The following PPHLN1 variants were observed in gnomAD, a reference collection of about 807,000 sequenced individuals.
PPHLN1 encodes periphilin-1.
In PPHLN1, 29 loss-of-function variants were observed where a neutral mutation model predicts 51.3. The observed-to-expected ratio is 0.57, with a 90% CI of 0.42 to 0.77. The LOEUF is 0.77. PPHLN1 is among the 30% of genes least tolerant of loss of function. The pLI is 0.00. For missense variants in PPHLN1, 436 were observed against 438.4 expected (o/e 0.99, Z 0.05); for synonymous variants, 147 against 147.8 (o/e 0.99, Z 0.04).
At position 42,352,143 on chromosome 12, in the gene PPHLN1, G is replaced by C. The variant is rs139149902; in HGVS notation, c.237+94G>C. 12 of 1,118,580 alleles carry C rather than the reference G, an allele frequency of 1.1e-5. No individual in the cohort carries two copies. The Admixed American group carries it at 4.4e-4, about 41-fold the overall frequency. The allele number at this position is 1,118,580 out of a possible 1,614,324, so 69.3% of individuals were successfully genotyped here. A position where few individuals can be genotyped will look rare whatever the true frequency, so the allele number is the denominator to read the frequency against. ...TTATGTGACGGCCGTGAAAGCAGTT[G>C]AATAAACACTTTCTGCTTGATGCTC... On this transcript the variant is annotated intron_variant, in intron 3 of 9. Coordinates refer to ENST00000358314, the MANE Select transcript of PPHLN1 (RefSeq NM_201439.2).
intron 1 of PPHLN1, among the ~76,000 whole-genome samples, chr12:42,331,291 C>T (rs2069694473): frequency 6.6e-6 from 1 of 152,180 alleles, no homozygotes; most frequent in East Asian, 1.9e-4. Flanking sequence ...ATAATGGAAA[C>T]TGACTAGATT....
intron 2 of PPHLN1, among the ~76,000 whole-genome samples, chr12:42,349,854 A>G (rs1245782341): frequency 6.6e-6 from 1 of 151,894 alleles, no homozygotes; most frequent in Non-Finnish European, 1.5e-5. Context: ...TTTTCCCCAC[A>G]TTTCCCCCTT....
intron 2 of PPHLN1, among the ~76,000 whole-genome samples, chr12:42,345,630 T>C (rs2138034912): frequency 6.6e-6 from 1 of 150,786 alleles, no homozygotes; most frequent in South Asian, 2.1e-4. Context: ...TATTAATATT[T>C]ATATTAGTAT....
At chr12:42,424,069 T>A (rs117598887) in intron 9 of PPHLN1, among the ~76,000 whole-genome samples, 3 of 152,170 alleles carry the variant, frequency 2.0e-5, no homozygotes, top group Non-Finnish European at 2.9e-5. Flanking sequence ...GATGAGAACA[T>A]AGATCTATAA....
At chr12:42,389,345 C>G (rs997457311) in intron 7 of PPHLN1, among the ~76,000 whole-genome samples, 2 of 152,036 alleles carry the variant, frequency 1.3e-5, no homozygotes, top group African/African-American at 4.8e-5. Context: ...TGCACTCCAG[C>G]CTGGTAACAG....
chr12:42,351,532 TA>T (rs2138203608), intron 2 of PPHLN1: 1 of 158,822 alleles, frequency 6.3e-6, no homozygotes, highest in Admixed American at 6.5e-5. Context: ...CTGTCTTACA[TA>T]ATTTTATTTC....
chr12:42,374,828 A>C, intron 4 of PPHLN1, 35 bp from the exon 5 acceptor site: 1 of 1,495,738 alleles, frequency 6.7e-7, no homozygotes, highest in Non-Finnish European at 9.1e-7. Context: ...GATAGAGTAT[A>C]ATTAACTTAT....
intron 9 of PPHLN1, among the ~76,000 whole-genome samples, chr12:42,428,313 T>C (rs2081681160): frequency 6.6e-6 from 1 of 152,204 alleles, no homozygotes; most frequent in South Asian, 2.1e-4. Context: ...TGTACACATA[T>C]ATTTATAGCA....
chr12:42,446,251 C>G (rs1415473896), downstream of PPHLN1: 4 of 1,610,430 alleles, frequency 2.5e-6, no homozygotes, highest in Non-Finnish European at 3.4e-6. Context: ...AAAATTTGTT[C>G]CTTGCTATGC....
rs2083005799 is a variant in PPHLN1 at position 42,442,018 on chromosome 12, A to G, written c.*509A>G. ...ATAAAATAGAGCACTTAAATCTCTG[A>G]GAGATACCTCAGAAAAAAATCCGTT... On this transcript the variant is annotated 3_prime_UTR_variant, in exon 10 of 10. Coordinates refer to ENST00000358314, the MANE Select transcript of PPHLN1 (RefSeq NM_201439.2). 1.1e-6 allele frequency: 1 copy of G among 949,830 alleles called. No individual in the cohort carries two copies. Among genetic ancestry groups the G allele is most frequent in the South Asian group, 4.9e-5 (1 of 20,518 alleles). The allele number at this position is 949,830 out of a possible 1,614,324, so 58.8% of individuals were successfully genotyped here.
rs71084648 is a variant in PPHLN1, at chr12:42,413,526, A to ATGTGTGTGTGTGTG, written c.909+14564_909+14577dup. Among the ~76,000 whole-genome samples, 252 of 136,604 alleles carry ATGTGTGTGTGTGTG rather than the reference A, an allele frequency of 1.8e-3. 2 individuals carry two copies. Among genetic ancestry groups the ATGTGTGTGTGTGTG allele is most frequent in the Non-Finnish European group, 2.8e-3 (183 of 64,382 alleles). The allele number at this position is 136,604 out of a possible 152,430, so 89.6% of individuals were successfully genotyped here. The stretch of plus-strand genomic sequence containing the variant: ...TGTTTTGATAACTATATATATGTAT[A>ATGTGTGTGTGTGTG]TGTGTGTGTGTGTGTGTGTGTGTGT... On this transcript the variant is annotated intron_variant, in intron 9 of 9. Coordinates refer to ENST00000358314, the MANE Select transcript of PPHLN1 (RefSeq NM_201439.2).
At chr12:42,331,520 G>C (rs936380712) in intron 1 of PPHLN1, among the ~76,000 whole-genome samples, 1 of 152,140 alleles carries the variant, frequency 6.6e-6, no homozygotes, top group African/African-American at 2.4e-5. Flanking sequence ...AACAGTGGTT[G>C]GATAGCCCAG....
chr12:42,380,705 T>C (rs569740967), intron 5 of PPHLN1, among the ~76,000 whole-genome samples: 2 of 152,272 alleles, frequency 1.3e-5, no homozygotes, highest in Admixed American at 1.3e-4. Flanking sequence ...GTTCTGCTTT[T>C]AGGTGAAGGC....
At chr12:42,358,561 A>C (rs1395771118) in intron 4 of PPHLN1, among the ~76,000 whole-genome samples, 1 of 151,740 alleles carries the variant, frequency 6.6e-6, no homozygotes, top group Non-Finnish European at 1.5e-5. Flanking sequence ...CATCTATTTT[A>C]TTTTATTTTA....
At chr12:42,330,413 G>T (rs113871367) in intron 1 of PPHLN1, among the ~76,000 whole-genome samples, 2 of 152,322 alleles carry the variant, frequency 1.3e-5, no homozygotes, top group African/African-American at 4.8e-5. Flanking sequence ...CATATCTCAG[G>T]CTGTCTCATT....
intron 2 of PPHLN1, among the ~76,000 whole-genome samples, chr12:42,345,368 AG>A (rs963134958): frequency 2.0e-5 from 3 of 151,862 alleles, no homozygotes; most frequent in South Asian, 2.1e-4. Flanking sequence ...TTTATGTGCA[AG>A]TTTTTTTTTT....
At chr12:42,390,662 G>C (rs944572755) in intron 7 of PPHLN1, among the ~76,000 whole-genome samples, 1 of 144,926 alleles carries the variant, frequency 6.9e-6, no homozygotes. Context: ...AACATTACGT[G>C]ATTTTTTCCT....
downstream of PPHLN1, chr12:42,446,026 A>G (rs755358067): frequency 6.5e-7 from 1 of 1,549,728 alleles, no homozygotes; most frequent in South Asian, 1.2e-5. Context: ...TGGGGCTAGG[A>G]CCCAACCAAG....
At chr12:42,390,672 T>C (rs1592659748) in intron 7 of PPHLN1, among the ~76,000 whole-genome samples, 1 of 91,538 alleles carries the variant, frequency 1.1e-5, no homozygotes, top group African/African-American at 5.1e-5. Flanking sequence ...GATTTTTTCC[T>C]TTTTTTTTTT....
Sources: gnomAD v4.1 joint callset for allele counts (sites outside exome capture counted in the v4.1 genomes callset) on GRCh38, gnomAD v4.1.1 for gene constraint, MANE v1.5 for transcripts, NCBI Gene and HGNC (gene_info 2026-07-23, HGNC 2026-07-21) for gene names.